Variants in NR3C2 observed in about 807,000 individuals in gnomAD.
The protein encoded by NR3C2 is mineralocorticoid receptor.
Under a neutral mutation model 86.4 loss-of-function variants are expected in NR3C2, and 15 were observed. The observed-to-expected ratio is 0.17, with a 90% CI of 0.12 to 0.27. The LOEUF (loss-of-function observed/expected upper bound fraction) is 0.27. Among genes scored for constraint, NR3C2 ranks in the 10% least tolerant of loss-of-function variants. The pLI is 1.00. For missense variants in NR3C2, 960 were observed against 1,195.6 expected (o/e 0.80, Z 2.91); for synonymous variants, 458 against 450.5 (o/e 1.02, Z -0.21).
intron 2 of NR3C2, among the ~76,000 whole-genome samples, chr4:148,372,639 G>A (rs965158006): frequency 1.3e-5 from 2 of 152,138 alleles, no homozygotes; most frequent in Non-Finnish European, 2.9e-5. Context: ...AAAGTGGCTT[G>A]TTTCCAAATG....
chr4:148,134,739 C>T (rs1221453617), intron 6 of NR3C2, among the ~76,000 whole-genome samples: 3 of 149,448 alleles, frequency 2.0e-5, no homozygotes, highest in South Asian at 4.2e-4. Flanking sequence ...ACCTGTGCCT[C>T]CCGGGTTCAA....
chr4:148,243,023 GT>G (rs528509376), intron 3 of NR3C2, among the ~76,000 whole-genome samples: 456 of 140,376 alleles, frequency 3.2e-3, no homozygotes, highest in Middle Eastern at 7.6e-3. Flanking sequence ...TACTTTTCAG[GT>G]TTTTTTTTTT....
At chr4:148,221,180 T>C (rs1013615532) in intron 3 of NR3C2, among the ~76,000 whole-genome samples, 3 of 152,254 alleles carry the variant, frequency 2.0e-5, no homozygotes, top group Non-Finnish European at 4.4e-5. Flanking sequence ...TCCTGGGACA[T>C]TTTTGTCAGA....
chr4:148,405,233 A>G (rs1014526650), intron 2 of NR3C2, among the ~76,000 whole-genome samples: 17 of 152,224 alleles, frequency 1.1e-4, no homozygotes, highest in African/African-American at 4.1e-4. Flanking sequence ...GGCTACACAA[A>G]AAGAGCATTG....
chr4:148,440,042 CT>C (rs772242144), intron 1 of NR3C2, among the ~76,000 whole-genome samples: 12 of 152,204 alleles, frequency 7.9e-5, no homozygotes, highest in Non-Finnish European at 1.2e-4. Flanking sequence ...TTGCAAAAGG[CT>C]TTGCTGAAAT....
At chr4:148,121,290 A>G (rs1732495280) in intron 6 of NR3C2, among the ~76,000 whole-genome samples, 1 of 152,208 alleles carries the variant, frequency 6.6e-6, no homozygotes, top group African/African-American at 2.4e-5. Context: ...GCTCCCCTCA[A>G]TTGGCAGAAA....
Position 148,289,571 on chromosome 4 carries a change from T to C in NR3C2, c.1758-29454A>G, listed in dbSNP as rs1223477538. On this transcript the variant is annotated intron_variant, in intron 2 of 8. Transcript: ENST00000358102. ...AAATGACTGACAATCATAAAGACAATAGATGGTGTCCTAGTCTGTTTGGGC... is the reference window on the plus strand; with the variant it reads ...AAATGACTGACAATCATAAAGACAACAGATGGTGTCCTAGTCTGTTTGGGC... 3.9e-5 allele frequency among the ~76,000 whole-genome samples: 6 copies of C among 152,106 alleles called. No homozygotes were observed. In the South Asian group the frequency reaches 6.2e-4, roughly 16 times the overall value.
At chr4:148,293,617 T>C (rs1021192968) in intron 2 of NR3C2, among the ~76,000 whole-genome samples, 1 of 152,218 alleles carries the variant, frequency 6.6e-6, no homozygotes, top group Admixed American at 6.5e-5. Context: ...CTCTTCACTA[T>C]GAGACATTTG....
chr4:148,426,296 A>C (rs1022812119), intron 2 of NR3C2, among the ~76,000 whole-genome samples: 11 of 152,304 alleles, frequency 7.2e-5, no homozygotes, highest in African/African-American at 2.6e-4. Flanking sequence ...CCCATCTGTC[A>C]ATGGCTCTTA....
At chr4:148,392,011 T>C (rs1235708304) in intron 2 of NR3C2, among the ~76,000 whole-genome samples, 1 of 152,160 alleles carries the variant, frequency 6.6e-6, no homozygotes, top group Non-Finnish European at 1.5e-5. Context: ...ATAGTAAATT[T>C]TTTTTCAATA....
chr4:148,189,439 GC>G (rs1391942908), intron 4 of NR3C2, among the ~76,000 whole-genome samples: 1 of 152,196 alleles, frequency 6.6e-6, no homozygotes, highest in Non-Finnish European at 1.5e-5. Flanking sequence ...GATTCGGTTA[GC>G]TAGTATTTTG....
chr4:148,395,275 TG>T (rs2126508842), intron 2 of NR3C2, among the ~76,000 whole-genome samples: 1 of 152,226 alleles, frequency 6.6e-6, no homozygotes, highest in East Asian at 1.9e-4. Flanking sequence ...TTCAAAGAAA[TG>T]TTACTCTTAT....
At chr4:148,387,141 T>C (rs1747304434) in intron 2 of NR3C2, among the ~76,000 whole-genome samples, 1 of 152,190 alleles carries the variant, frequency 6.6e-6, no homozygotes, top group African/African-American at 2.4e-5. Context: ...TTTAAGCGGA[T>C]TTGACTTTTC....
At chr4:148,265,603 A>C (rs1475257785) in intron 2 of NR3C2, among the ~76,000 whole-genome samples, 1 of 152,174 alleles carries the variant, frequency 6.6e-6, no homozygotes, top group Non-Finnish European at 1.5e-5. Flanking sequence ...AACTCACTTA[A>C]TATGAATTAA....
At chr4:148,371,354 A>G (rs888600787) in intron 2 of NR3C2, among the ~76,000 whole-genome samples, 1 of 152,128 alleles carries the variant, frequency 6.6e-6, no homozygotes, top group African/African-American at 2.4e-5. Flanking sequence ...TAATTCTTAT[A>G]ATCATATAAT....
intron 2 of NR3C2, among the ~76,000 whole-genome samples, chr4:148,338,781 A>G (rs1307878399): frequency 2.0e-5 from 3 of 152,198 alleles, no homozygotes; most frequent in Non-Finnish European, 2.9e-5. Context: ...CATCCTCCCA[A>G]TAACAGAAAT....
At position 148,134,643 on chromosome 4, in the gene NR3C2, C is replaced by CTTTTTTTTTTTT. The variant is rs1175816621; in HGVS notation, c.2511-14367_2511-14356dup. Among the ~76,000 whole-genome samples, 35 of 40,806 alleles carry CTTTTTTTTTTTT rather than the reference C, an allele frequency of 8.6e-4. 6 individuals are homozygous for CTTTTTTTTTTTT. Among genetic ancestry groups the CTTTTTTTTTTTT allele is most frequent in the Non-Finnish European group, 1.4e-3 (29 of 21,186 alleles). The allele number at this position is 40,806 out of a possible 152,430, so 26.8% of individuals were successfully genotyped here. On this transcript the variant is annotated intron_variant, in intron 6 of 8. Transcript: ENST00000358102. ...CCTGTGATTCTCTCTCTCTCTCTCTCTTTTTTTTTTTTTTTTTTTTTTTTA... is the reference window on the plus strand; with the variant it reads ...CCTGTGATTCTCTCTCTCTCTCTCTCTTTTTTTTTTTTTTTTTTTTTTTTTTTTTTTTTTTTA...
intron 4 of NR3C2, among the ~76,000 whole-genome samples, chr4:148,162,570 CT>C (rs916217295): frequency 2.6e-5 from 4 of 152,178 alleles, no homozygotes; most frequent in Non-Finnish European, 5.9e-5. Context: ...TAAATAGCTT[CT>C]GGTAATCATC....
intron 6 of NR3C2, among the ~76,000 whole-genome samples, chr4:148,144,230 G>A (rs975649745): frequency 6.6e-6 from 1 of 151,968 alleles, no homozygotes; most frequent in African/African-American, 2.4e-5. Context: ...TTTGAGACAG[G>A]GTCTTGCTCT....
Sources: gnomAD v4.1 joint callset for allele counts (sites outside exome capture counted in the v4.1 genomes callset) on GRCh38, gnomAD v4.1.1 for gene constraint, MANE v1.5 for transcripts, NCBI Gene and HGNC (gene_info 2026-07-23, HGNC 2026-07-21) for gene names.